HMGCLL1: variants seen among roughly 807,000 people sequenced by gnomAD.
The protein encoded by HMGCLL1 is 3-hydroxymethyl-3-methylglutaryl-CoA lyase, cytoplasmic.
In HMGCLL1, 36 loss-of-function variants were observed where a neutral mutation model predicts 39.1. That is an observed-to-expected ratio of 0.92 (90% CI 0.71 to 1.22). The LOEUF is 1.22. HMGCLL1 is among the 50% of genes most tolerant of loss of function. The probability of loss-of-function intolerance (pLI) is 0.00; values close to 1 mark genes in which losing one functional copy is unlikely to be tolerated. For missense variants in HMGCLL1, 451 were observed against 416.5 expected (o/e 1.08, Z -0.72); for synonymous variants, 149 against 144.0 (o/e 1.03, Z -0.25).
chr6:55,505,425 T>C (rs1767104025), intron 5 of HMGCLL1, among the ~76,000 whole-genome samples: 1 of 151,664 alleles, frequency 6.6e-6, no homozygotes, highest in African/African-American at 2.4e-5. Context: ...GCTACATTCA[T>C]GTGGAATACA....
At chr6:55,579,900 C>G (rs1365047819), upstream of HMGCLL1, among the ~76,000 whole-genome samples, 1 of 152,154 alleles carries the variant, frequency 6.6e-6, no homozygotes, top group African/African-American at 2.4e-5. Flanking sequence ...TCGAGCAGAC[C>G]ACCGGCCTAC....
intron 7 of HMGCLL1, among the ~76,000 whole-genome samples, chr6:55,476,566 T>C (rs950448292): frequency 1.3e-5 from 2 of 151,692 alleles, no homozygotes; most frequent in Admixed American, 1.3e-4. Flanking sequence ...CCTTTCCTTA[T>C]TGCACTGGCT....
At chr6:55,608,466 T>C in the HMGCLL1 span, among the ~76,000 whole-genome samples, 2 of 151,920 alleles carry the variant, frequency 1.3e-5, no homozygotes, top group Admixed American at 1.3e-4. Flanking sequence ...TTAAAGTTCC[T>C]GAGAATTAAA....
the HMGCLL1 span, among the ~76,000 whole-genome samples, chr6:55,602,422 A>G: frequency 2.6e-5 from 4 of 152,058 alleles, no homozygotes; most frequent in Admixed American, 1.3e-4. Context: ...CATTTCATAC[A>G]TTCTCTTGAC....
At chr6:55,527,004 T>C (rs1266594205) in intron 3 of HMGCLL1, among the ~76,000 whole-genome samples, 1 of 151,968 alleles carries the variant, frequency 6.6e-6, no homozygotes, top group African/African-American at 2.4e-5. Flanking sequence ...ACCCAGTTAG[T>C]GAGTGCAAAA....
At chr6:55,437,932 G>T (rs1763435771) in intron 8 of HMGCLL1, among the ~76,000 whole-genome samples, 1 of 152,090 alleles carries the variant, frequency 6.6e-6, no homozygotes, top group African/African-American at 2.4e-5. Flanking sequence ...GGAATCCATA[G>T]TGAGATTAAA....
chr6:55,557,967 C>G (rs572712843), intron 1 of HMGCLL1, among the ~76,000 whole-genome samples: 2 of 152,066 alleles, frequency 1.3e-5, no homozygotes, highest in South Asian at 2.1e-4. Context: ...TTAGGTCTGT[C>G]AAAAATACTG....
At chr6:55,464,766 T>C (rs1211808101) in intron 7 of HMGCLL1, among the ~76,000 whole-genome samples, 1 of 152,160 alleles carries the variant, frequency 6.6e-6, no homozygotes, top group Non-Finnish European at 1.5e-5. Flanking sequence ...CCAGGCGCTG[T>C]GAACCTACCT....
the HMGCLL1 span, among the ~76,000 whole-genome samples, chr6:55,643,981 A>T: frequency 1.3e-5 from 2 of 151,822 alleles, no homozygotes; most frequent in African/African-American, 4.8e-5. Context: ...GAACTTCCAA[A>T]CTGTTCTCCA....
the HMGCLL1 span, among the ~76,000 whole-genome samples, chr6:55,623,330 T>C: frequency 0.35 from 53,217 of 151,730 alleles, 9,773 homozygotes; most frequent in African/African-American, 0.45. Flanking sequence ...CTTTAAGATA[T>C]ATTGTTAGGT....
the HMGCLL1 span, among the ~76,000 whole-genome samples, chr6:55,598,878 A>G: frequency 6.6e-6 from 1 of 152,186 alleles, no homozygotes; most frequent in Non-Finnish European, 1.5e-5. Flanking sequence ...CCCAAAATGC[A>G]AGAGTAAATT....
the HMGCLL1 span, among the ~76,000 whole-genome samples, chr6:55,604,736 A>G: frequency 6.6e-6 from 1 of 152,172 alleles, no homozygotes; most frequent in East Asian, 1.9e-4. Context: ...TCTACAGAAC[A>G]ACTATCACTA....
intron 1 of HMGCLL1, among the ~76,000 whole-genome samples, chr6:55,553,719 T>C (rs1042400833): frequency 3.9e-5 from 6 of 152,152 alleles, no homozygotes; most frequent in African/African-American, 1.2e-4. Context: ...CTTGAAGACA[T>C]GGGACATTTT....
chr6:55,495,550 C>CA lies in HMGCLL1; in HGVS notation c.663dup (p.Gly222TrpfsTer30). The CA allele has an allele frequency of 6.2e-7, 1 of 1,613,852 alleles. No individual in the cohort carries two copies. The highest frequency in any genetic ancestry group is 8.5e-7 in the Non-Finnish European group (1 of 1,179,808). On this transcript the variant is annotated frameshift_variant, in exon 7 of 9. Transcript: ENST00000274901. LOFTEE classifies it high-confidence loss of function. ...TTCATACTTCCTGGAGTTCCCACTC[C>CA]AATTGTGTCTCCTAGAGAGATCTCA...
chr6:55,630,506 C>G, the HMGCLL1 span, among the ~76,000 whole-genome samples: 1 of 151,830 alleles, frequency 6.6e-6, no homozygotes, highest in Non-Finnish European at 1.5e-5. Flanking sequence ...TTTTGGGGGA[C>G]TGTTTGGAAG....
At chr6:55,627,668 G>T in the HMGCLL1 span, among the ~76,000 whole-genome samples, 1 of 141,546 alleles carries the variant, frequency 7.1e-6, no homozygotes. Flanking sequence ...CAGCCTCCAG[G>T]GAATATAAAG....
chr6:55,563,322 A>G (rs548721519), intron 1 of HMGCLL1, among the ~76,000 whole-genome samples: 12 of 152,258 alleles, frequency 7.9e-5, no homozygotes, highest in African/African-American at 1.7e-4. Flanking sequence ...AATAAAACAT[A>G]CACCCTATAG....
In HMGCLL1 at chr6:55,437,962, T is replaced by G. The variant is rs541458710; in HGVS notation, c.921+1472A>C. Among the ~76,000 whole-genome samples, 8 of 152,196 alleles carry G rather than the reference T, an allele frequency of 5.3e-5. No individual in the cohort carries two copies. In the East Asian group the frequency reaches 1.5e-3, roughly 29 times the overall value. On this transcript the variant is annotated intron_variant, in intron 8 of 8. Transcript: ENST00000274901. ...ATTAAATTCTATAGAGAATCCTGGT[T>G]TGTTGCCTTGGGTGACTAGTTGAAT...
chr6:55,451,455 T>C (rs1450830065), intron 7 of HMGCLL1, among the ~76,000 whole-genome samples: 1 of 152,028 alleles, frequency 6.6e-6, no homozygotes, highest in African/African-American at 2.4e-5. Context: ...AAACCCCGTC[T>C]CCACTAAAAA....
Sources: allele counts gnomAD v4.1 joint callset (sites outside exome capture counted in the v4.1 genomes callset), GRCh38; gene constraint gnomAD v4.1.1; transcripts MANE v1.5; gene names NCBI Gene and HGNC (gene_info 2026-07-23, HGNC 2026-07-21).